The following ADAM32 variants were observed in gnomAD, a reference collection of about 807,000 sequenced individuals.
ADAM32 encodes disintegrin and metalloproteinase domain-containing protein 32.
ADAM32 carries 89 observed loss-of-function variants against 114.9 expected under a neutral mutation model. The observed-to-expected ratio is 0.77, with a 90% CI of 0.65 to 0.92. The LOEUF (loss-of-function observed/expected upper bound fraction) is 0.92, where lower values mean the gene tolerates loss of function less well. ADAM32 is among the 40% of genes least tolerant of loss of function. ADAM32 has a pLI of 0.00. For synonymous variants in ADAM32, 285 were observed against 307.5 expected (o/e 0.93, Z 0.77); for missense variants, 870 against 932.8 (o/e 0.93, Z 0.88).
intron 16 of ADAM32, among the ~76,000 whole-genome samples, chr8:39,239,310 C>T (rs1028652621): frequency 6.6e-6 from 1 of 152,108 alleles, no homozygotes; most frequent in Non-Finnish European, 1.5e-5. Flanking sequence ...ATTTTGTGTG[C>T]AGTGAAACTA....
chr8:39,258,284 C>A (rs555320650), intron 19 of ADAM32, among the ~76,000 whole-genome samples: 1 of 151,134 alleles, frequency 6.6e-6, no homozygotes, highest in Non-Finnish European at 1.5e-5. Context: ...GTCTTTTTAC[C>A]TTTGCTCTGT....
chr8:39,257,160 T>C, intron 18 of ADAM32, 27 bp from the exon 19 acceptor site: 1 of 1,494,936 alleles, frequency 6.7e-7, no homozygotes, highest in Non-Finnish European at 8.9e-7. Context: ...TTTTTTTGTT[T>C]TTTTTTTTTT....
intron 20 of ADAM32, among the ~76,000 whole-genome samples, chr8:39,273,741 G>T (rs1320870847): frequency 1.3e-5 from 2 of 151,742 alleles, no homozygotes; most frequent in African/African-American, 4.8e-5. Context: ...GTTTTTATTG[G>T]CAATAGGAGA....
intron 17 of ADAM32, among the ~76,000 whole-genome samples, chr8:39,250,180 T>C (rs1000937396): frequency 6.6e-6 from 1 of 152,046 alleles, no homozygotes; most frequent in Non-Finnish European, 1.5e-5. Context: ...TTCCATTCTT[T>C]TTTGTTCTCT....
chr8:39,113,014 G>T (rs138017210), intron 1 of ADAM32, among the ~76,000 whole-genome samples: 63 of 152,282 alleles, frequency 4.1e-4, no homozygotes, highest in African/African-American at 1.5e-3. Flanking sequence ...TCTGAATCTG[G>T]TTGGCCTCAT....
intron 11 of ADAM32, among the ~76,000 whole-genome samples, chr8:39,208,477 C>T (rs1158520311): frequency 1.3e-5 from 2 of 152,068 alleles, no homozygotes; most frequent in African/African-American, 2.4e-5. Context: ...TTAGAGTGTT[C>T]TAAATTTGTT....
At chr8:39,268,181 C>T (rs1197413207) in intron 19 of ADAM32, among the ~76,000 whole-genome samples, 8 of 152,150 alleles carry the variant, frequency 5.3e-5, no homozygotes, top group Non-Finnish European at 8.8e-5. Context: ...CTATGTTTTC[C>T]AAAGTGGTTT....
chr8:39,107,823 G>A lies in ADAM32; in HGVS notation c.48G>A (p.Ala16=), dbSNP rs765332218. The A allele has an allele frequency of 1.3e-6, 2 of 1,546,556 alleles. No individual in the cohort carries two copies. The highest frequency in any genetic ancestry group is 1.7e-6 in the Non-Finnish European group (2 of 1,145,048). Residue 16 remains alanine, a synonymous_variant, in exon 1 of 25, where the codon GCG becomes GCA. Coordinates refer to ENST00000379907, the MANE Select transcript of ADAM32 (RefSeq NM_145004.7). ...TGGCCGGGCTCTGCGGCCTCCTGGC[G>A]TCAAGACCCGGTGAGCCAGCCCAGA... The part of the protein sequence containing the change: ...LLLAGLCGLL[A]SRPGFQNSLL...
Position 39,278,393 on chromosome 8 carries a change from G to A in ADAM32, c.2279+2527G>A, listed in dbSNP as rs191139141. Among the ~76,000 whole-genome samples the A allele has an allele frequency of 1.7e-3, 266 of 152,258 alleles. 1 individual carries two copies. Among genetic ancestry groups the A allele is most frequent in the Non-Finnish European group, 2.6e-3 (178 of 68,016 alleles). On this transcript the variant is annotated intron_variant, in intron 22 of 24. Coordinates refer to ENST00000379907, the MANE Select transcript of ADAM32 (RefSeq NM_145004.7). ...GCTTGAGGGTGGCGCTTTTGCCAGA[G>A]ACCCACCCTTTTCTGCCTAGAATTT...
chr8:39,261,165 C>A (rs1051602376), intron 19 of ADAM32, among the ~76,000 whole-genome samples: 1 of 152,014 alleles, frequency 6.6e-6, no homozygotes, highest in Admixed American at 6.6e-5. Context: ...GAACTTTTTT[C>A]GCATATCTCG....
intron 1 of ADAM32, among the ~76,000 whole-genome samples, chr8:39,114,200 C>G (rs578189659): frequency 3.3e-5 from 5 of 152,300 alleles, no homozygotes; most frequent in African/African-American, 1.2e-4. Flanking sequence ...AGTGTCAGTT[C>G]AGAGTCAGTA....
chr8:39,208,637 A>G lies in ADAM32; in HGVS notation c.1053-2507A>G, dbSNP rs952768375. ...TCTAAGAGTTTTGAATCACTTCTTC[A>G]TTTTTAAGGATAGTTTTCCTGGGTA... On this transcript the variant is annotated intron_variant, in intron 11 of 24. Transcript: ENST00000379907. 2.0e-5 allele frequency among the ~76,000 whole-genome samples: 3 copies of G among 152,078 alleles called. No individual in the cohort carries two copies. The East Asian group carries it at 5.8e-4, about 29-fold the overall frequency.
chr8:39,153,269 T>A (rs1427676441), intron 6 of ADAM32, among the ~76,000 whole-genome samples: 1 of 152,094 alleles, frequency 6.6e-6, no homozygotes, highest in Non-Finnish European at 1.5e-5. Context: ...GATGCTGAAC[T>A]TTTTTTTCTT....
intron 19 of ADAM32, among the ~76,000 whole-genome samples, chr8:39,268,055 T>G (rs1481524787): frequency 6.6e-6 from 1 of 152,240 alleles, no homozygotes; most frequent in Non-Finnish European, 1.5e-5. Flanking sequence ...GTATTTAACA[T>G]GAACATTCAG....
At chr8:39,182,900 T>C (rs965736040) in intron 10 of ADAM32, among the ~76,000 whole-genome samples, 33 of 152,194 alleles carry the variant, frequency 2.2e-4, no homozygotes, top group African/African-American at 8.0e-4. Context: ...CTGGATGCCA[T>C]TGGTTACAAC....
At chr8:39,193,327 T>C (rs1254880273) in intron 11 of ADAM32, among the ~76,000 whole-genome samples, 1 of 152,222 alleles carries the variant, frequency 6.6e-6, no homozygotes, top group Non-Finnish European at 1.5e-5. Flanking sequence ...GAAATTTTTA[T>C]ACTGTGTTTG....
At position 39,245,414 on chromosome 8, in the gene ADAM32, G is replaced by A. The variant is rs1010161866; in HGVS notation, c.1819-669G>A. Reference sequence around the variant, plus strand: ...GAAATCACTACTAAAAATCTTATTCGTGTAACCAAACACCACCTGTTCCCC... The same window carrying A: ...GAAATCACTACTAAAAATCTTATTCATGTAACCAAACACCACCTGTTCCCC... On this transcript the variant is annotated intron_variant, in intron 16 of 24. Transcript: ENST00000379907. Among the ~76,000 whole-genome samples the A allele has an allele frequency of 9.2e-5, 14 of 152,132 alleles. No individual in the cohort carries two copies. The South Asian group carries it at 1.2e-3, about 14-fold the overall frequency.
At chr8:39,142,394 C>CA (rs1259171341) in intron 3 of ADAM32, among the ~76,000 whole-genome samples, 1 of 152,124 alleles carries the variant, frequency 6.6e-6, no homozygotes, top group African/African-American at 2.4e-5. Context: ...TTAGGGCAGG[C>CA]CTGTTGGTGA....
At chr8:39,129,810 T>A (rs996220708) in intron 2 of ADAM32, 1 of 314,166 alleles carries the variant, frequency 3.2e-6, no homozygotes, top group African/African-American at 2.2e-5. Flanking sequence ...CCTTTCTTTT[T>A]GGGAAGATTT....
Sources: allele counts gnomAD v4.1 joint callset (sites outside exome capture counted in the v4.1 genomes callset), GRCh38; gene constraint gnomAD v4.1.1; transcripts MANE v1.5; gene names NCBI Gene and HGNC (gene_info 2026-07-23, HGNC 2026-07-21).